The following GSR variants were observed in gnomAD, a reference collection of about 807,000 sequenced individuals.
The protein encoded by GSR is glutathione-disulfide reductase, also known as glutathione reductase, mitochondrial.
A neutral mutation model predicts 56.5 loss-of-function variants in GSR; 48 were observed. The ratio of observed to expected loss-of-function variants is 0.85; its 90% confidence interval spans 0.67 to 1.08. The LOEUF (loss-of-function observed/expected upper bound fraction) is 1.08. Ranked by LOEUF, GSR falls within the 50% of genes least tolerant of loss-of-function variation. GSR has a pLI of 0.00. For missense variants in GSR, 694 were observed against 703.3 expected, an observed-to-expected ratio of 0.99 and a Z score of 0.15; for synonymous variants, 264 against 270.8, an observed-to-expected ratio of 0.97 and a Z score of 0.25.
intron 1 of GSR, among the ~76,000 whole-genome samples, chr8:30,716,909 TC>T (rs1196603887): frequency 1.3e-5 from 2 of 150,424 alleles, no homozygotes; most frequent in East Asian, 3.9e-4. Context: ...CCCTTCTCTT[TC>T]CCCCCAAATT....
At chr8:30,709,192 T>C (rs8190946) in intron 3 of GSR, among the ~76,000 whole-genome samples, 16,444 of 151,192 alleles carry the variant, frequency 0.11, 972 homozygotes, top group South Asian at 0.14. Context: ...ACCTCATCTC[T>C]ACTAAAAACA....
In GSR at chr8:30,684,166, CGAT is replaced by C. The variant is rs1301519050; in HGVS notation, c.1072_1074del (p.Ile358del). Reference sequence around the variant, plus strand: ...ACGTTGGTATTCTGGAATTCGTCTACGATGATATGACCCTTGTCATCGGTTTGA... The same window carrying C: ...ACGTTGGTATTCTGGAATTCGTCTACGATATGACCCTTGTCATCGGTTTGA... On this transcript the variant is annotated inframe_deletion, in exon 10 of 13. Coordinates refer to ENST00000221130, the MANE Select transcript of GSR (RefSeq NM_000637.5). The C allele has an allele frequency of 6.2e-7, 1 of 1,607,602 alleles. No homozygotes were observed. The highest frequency in any genetic ancestry group is 8.5e-7 in the Non-Finnish European group (1 of 1,174,174).
intron 4 of GSR, chr8:30,704,892 G>A (rs1184914559): frequency 1.3e-5 from 2 of 152,114 alleles, no homozygotes; most frequent in Non-Finnish European, 2.9e-5. Context: ...TGGCTCGCGT[G>A]GCGATAGGAC....
At chr8:30,710,654 T>A (rs747432620) in intron 2 of GSR, among the ~76,000 whole-genome samples, 2 of 128,150 alleles carry the variant, frequency 1.6e-5, no homozygotes, top group African/African-American at 5.8e-5. Flanking sequence ...GAGGTGGAGA[T>A]TGCAGTGAGC....
At chr8:30,695,838 G>A (rs1041748448) in intron 7 of GSR, among the ~76,000 whole-genome samples, 8 of 151,874 alleles carry the variant, frequency 5.3e-5, no homozygotes, top group East Asian at 2.0e-4. Flanking sequence ...TAGGGAGTTC[G>A]AGACCAGCCT....
intron 1 of GSR, among the ~76,000 whole-genome samples, chr8:30,726,295 C>A (rs1298998198): frequency 6.6e-6 from 1 of 152,144 alleles, no homozygotes; most frequent in Non-Finnish European, 1.5e-5. Flanking sequence ...CACAGAAGCC[C>A]ATCCCTGTCC....
At chr8:30,722,997 T>C (rs1001688060) in intron 1 of GSR, among the ~76,000 whole-genome samples, 12 of 152,136 alleles carry the variant, frequency 7.9e-5, no homozygotes, top group Admixed American at 4.6e-4. Context: ...TCATGAACTT[T>C]TGTCACATGA....
At chr8:30,693,431 T>C (rs570465717) in intron 7 of GSR, among the ~76,000 whole-genome samples, 10 of 152,354 alleles carry the variant, frequency 6.6e-5, no homozygotes, top group African/African-American at 2.4e-4. Flanking sequence ...AAATCTTGTC[T>C]AGCCATAAAT....
chr8:30,723,435 T>G (rs1388395374), intron 1 of GSR, among the ~76,000 whole-genome samples: 1 of 152,064 alleles, frequency 6.6e-6, no homozygotes, highest in African/African-American at 2.4e-5. Flanking sequence ...GAGGCTACAG[T>G]GAGCTGAGAT....
rs75533094 is a variant in GSR, at chr8:30,719,683, G to T, written c.307-7595C>A. 7.0e-3 allele frequency among the ~76,000 whole-genome samples: 1,062 copies of T among 152,040 alleles called. 12 individuals are homozygous for T. The highest frequency in any genetic ancestry group is 0.024 in the African/African-American group (995 of 41,454). On this transcript the variant is annotated intron_variant, in intron 1 of 12. Coordinates refer to ENST00000221130, the MANE Select transcript of GSR (RefSeq NM_000637.5). ...CAACCAATCTAGTGTTCAGAACCCC[G>T]ATCAGTGGGCCTGCTGGCATCAATC...
At chr8:30,725,461 G>A (rs1169086486) in intron 1 of GSR, among the ~76,000 whole-genome samples, 7 of 151,850 alleles carry the variant, frequency 4.6e-5, no homozygotes, top group East Asian at 1.9e-4. Flanking sequence ...TTGGGAGGCC[G>A]AGGCAGGAGA....
In GSR at chr8:30,689,157, T is replaced by C. The variant is rs1189561114; in HGVS notation, c.1041+4A>G. 3.7e-6 allele frequency: 6 copies of C among 1,613,738 alleles called. No individual in the cohort carries two copies. The highest frequency in any genetic ancestry group is 3.3e-5 in the South Asian group (3 of 91,078). On this transcript the variant is annotated splice_donor_region_variant and intron_variant, in intron 9 of 12. Transcript: ENST00000221130. Reference sequence around the variant, plus strand: ...AATGTTTCGGGCAGACCAAGCCAGCTTACCAGTTTGTTTAAACTCAGGTCC... The same window carrying C: ...AATGTTTCGGGCAGACCAAGCCAGCCTACCAGTTTGTTTAAACTCAGGTCC...
chr8:30,705,437 A>AT lies in GSR; in HGVS notation c.493-2198dup, dbSNP rs202010185. Among the ~76,000 whole-genome samples, 1,282 of 152,078 alleles carry AT rather than the reference A, an allele frequency of 8.4e-3. 15 individuals are homozygous for AT. The highest frequency in any genetic ancestry group is 0.03 in the African/African-American group (1,226 of 41,478). On this transcript the variant is annotated intron_variant, in intron 4 of 12. Transcript: ENST00000221130. Reference sequence around the variant, plus strand: ...GCCACCACACCTGGTCAATTTTTGTATTTTTTAGTAGGGCTGGGGTTTCAC... The same window carrying AT: ...GCCACCACACCTGGTCAATTTTTGTATTTTTTTAGTAGGGCTGGGGTTTCAC...
intron 10 of GSR, among the ~76,000 whole-genome samples, chr8:30,682,701 A>T (rs1347878575): frequency 6.6e-6 from 1 of 152,162 alleles, no homozygotes; most frequent in Non-Finnish European, 1.5e-5. Context: ...TTTTTAATAC[A>T]ATATTTATGG....
At chr8:30,686,363 C>CT (rs374595294) in intron 9 of GSR, among the ~76,000 whole-genome samples, 11 of 147,556 alleles carry the variant, frequency 7.5e-5, no homozygotes, top group Middle Eastern at 6.9e-3. Flanking sequence ...GAGACTGAAC[C>CT]TTTTTTTTTT....
chr8:30,688,008 G>A (rs1803220591), intron 9 of GSR, among the ~76,000 whole-genome samples: 1 of 152,134 alleles, frequency 6.6e-6, no homozygotes, highest in Admixed American at 6.6e-5. Context: ...CAAACTCTGG[G>A]AACCAAACCC....
intron 3 of GSR, among the ~76,000 whole-genome samples, chr8:30,709,042 G>C (rs540630765): frequency 2.6e-5 from 4 of 151,074 alleles, no homozygotes; most frequent in African/African-American, 9.7e-5. Flanking sequence ...TTATCCATAT[G>C]AAGAAATCTT....
chr8:30,687,680 A>G (rs926109384), intron 9 of GSR: 1 of 152,286 alleles, frequency 6.6e-6, no homozygotes, highest in South Asian at 2.1e-4. Flanking sequence ...ACAAACAAAA[A>G]AACCCAGAAC....
intron 1 of GSR, among the ~76,000 whole-genome samples, chr8:30,720,845 C>T (rs928024734): frequency 8.1e-4 from 44 of 54,570 alleles, no homozygotes; most frequent in Non-Finnish European, 3.7e-3. Context: ...GACTGGGTGC[C>T]GTGGCTCACA....
Sources: gnomAD v4.1 joint callset for allele counts (sites outside exome capture counted in the v4.1 genomes callset) on GRCh38, gnomAD v4.1.1 for gene constraint, MANE v1.5 for transcripts, NCBI Gene and HGNC (gene_info 2026-07-23, HGNC 2026-07-21) for gene names.